The following ARFGEF1 variants were observed in gnomAD, a reference collection of about 807,000 sequenced individuals.
ARFGEF1 encodes the protein ARF guanine nucleotide exchange factor 1, also known as brefeldin A-inhibited guanine nucleotide-exchange protein 1.
Under a neutral mutation model 231.0 loss-of-function variants are expected in ARFGEF1, and 42 were observed. The ratio of observed to expected loss-of-function variants is 0.18; its 90% CI spans 0.14 to 0.24. The LOEUF (loss-of-function observed/expected upper bound fraction) is 0.24, where lower values mean the gene tolerates loss of function less well. Among genes scored for constraint, ARFGEF1 ranks in the 10% least tolerant of loss-of-function variants. The probability of loss-of-function intolerance (pLI) is 1.00; values close to 1 mark genes in which losing one functional copy is unlikely to be tolerated. For missense variants in ARFGEF1, 1,345 were observed against 2,192.0 expected (o/e 0.61, Z 7.72); for synonymous variants, 710 against 732.3 (o/e 0.97, Z 0.49).
chr8:67,217,683 T>C (rs1587063004), intron 32 of ARFGEF1, 99 bp downstream of exon 32: 5 of 1,270,132 alleles, frequency 3.9e-6, no homozygotes, highest in Non-Finnish European at 5.5e-6. Context: ...ATTTCTGTTA[T>C]GAGAAATCAG....
chr8:67,184,727 AAAT>A (rs1175566643), intron 5 of ARFGEF1, among the ~76,000 whole-genome samples: 1 of 148,080 alleles, frequency 6.8e-6, no homozygotes, highest in Non-Finnish European at 1.5e-5. Context: ...CTGTCTAAAA[AAAT>A]AATAATAAAA....
At position 67,226,062 on chromosome 8, in the gene ARFGEF1, A is replaced by T; in HGVS notation, c.4038T>A (p.Leu1346=). ...ACACATATTTTGCACAATGGCGAAT[A>T]AGTCGAATTGCTTCCATACTTGTGT... ...FPDTSMEAIR[L]IRHCAKYVSD... Residue 1346 remains leucine, a synonymous_variant, in exon 28 of 39, where the codon CTT becomes CTA. Coordinates refer to ENST00000262215, the MANE Select transcript of ARFGEF1 (RefSeq NM_006421.5). 11 of 1,612,808 alleles carry T rather than the reference A, an allele frequency of 6.8e-6. No individual in the cohort carries two copies. The highest frequency in any genetic ancestry group is 9.3e-6 in the Non-Finnish European group (11 of 1,179,342).
At chr8:67,204,291 T>A (rs1366740861) in intron 35 of ARFGEF1, among the ~76,000 whole-genome samples, 1 of 152,190 alleles carries the variant, frequency 6.6e-6, no homozygotes, top group East Asian at 1.9e-4. Flanking sequence ...AATTCTCAGG[T>A]GTAATATCAC....
At chr8:67,311,178 C>T (rs1336232914) in intron 1 of ARFGEF1, among the ~76,000 whole-genome samples, 2 of 149,222 alleles carry the variant, frequency 1.3e-5, no homozygotes, top group Admixed American at 1.3e-4. Context: ...TGCCCGGCCG[C>T]CCCCACTGGG....
intron 6 of ARFGEF1, among the ~76,000 whole-genome samples, chr8:67,288,963 A>C (rs1805879896): frequency 6.6e-6 from 1 of 152,138 alleles, no homozygotes; most frequent in Non-Finnish European, 1.5e-5. Context: ...AAAAAACAAA[A>C]AAAAAACAAA....
Position 67,201,795 on chromosome 8 carries a change from A to G in ARFGEF1, c.5129-190T>C. The G allele has an allele frequency of 5.9e-6, 4 of 673,856 alleles. No homozygotes were observed. The South Asian group carries it at 6.0e-5, about 10-fold the overall frequency. The allele number at this position is 673,856 out of a possible 1,614,324, so 41.7% of individuals were successfully genotyped here. ...TTCCCTCCCTATTCAAGCTGGGGAT[A>G]TGAGATATAAAAAAACTTGTGGCCT... On this transcript the variant is annotated intron_variant, in intron 36 of 38. Transcript: ENST00000262215.
At chr8:67,250,180 A>G (rs1425657590) in intron 19 of ARFGEF1, among the ~76,000 whole-genome samples, 1 of 152,198 alleles carries the variant, frequency 6.6e-6, no homozygotes, top group Non-Finnish European at 1.5e-5. Flanking sequence ...ATGCAAAGCC[A>G]ATAAAAAGCT....
At chr8:67,302,708 C>T (rs1806548191) in intron 1 of ARFGEF1, among the ~76,000 whole-genome samples, 1 of 151,888 alleles carries the variant, frequency 6.6e-6, no homozygotes, top group South Asian at 2.1e-4. Flanking sequence ...ATTATTAATT[C>T]CCAACGCATT....
chr8:67,237,705 GA>G (rs1839813435), intron 22 of ARFGEF1, among the ~76,000 whole-genome samples: 1 of 152,136 alleles, frequency 6.6e-6, no homozygotes, highest in African/African-American at 2.4e-5. Context: ...AGCAGAAATT[GA>G]ATCTCGGCGA....
At chr8:67,259,767 A>AT in intron 15 of ARFGEF1, 48 bp downstream of exon 15, 1 of 1,413,410 alleles carries the variant, frequency 7.1e-7, no homozygotes, top group Non-Finnish European at 9.8e-7. Flanking sequence ...AGAAAAAAAA[A>AT]TCCCAAGAAT....
chr8:67,212,010 G>A (rs925387549), intron 33 of ARFGEF1, among the ~76,000 whole-genome samples: 1 of 152,180 alleles, frequency 6.6e-6, no homozygotes, highest in Non-Finnish European at 1.5e-5. Flanking sequence ...CTATCTAGGA[G>A]TGTCGTATCA....
intron 1 of ARFGEF1, among the ~76,000 whole-genome samples, chr8:67,305,414 G>C (rs1246523401): frequency 6.6e-5 from 10 of 151,982 alleles, no homozygotes; most frequent in Non-Finnish European, 1.2e-4. Context: ...GTTTGTTTTT[G>C]TGAGATAAAG....
chr8:67,217,682 A>T lies in ARFGEF1; in HGVS notation c.4613+100T>A, dbSNP rs1232641179. On this transcript the variant is annotated intron_variant, in intron 32 of 38. Coordinates refer to ENST00000262215, the MANE Select transcript of ARFGEF1 (RefSeq NM_006421.5). ...AGACAAGCTTAAAAGGATTTCTGTTATGAGAAATCAGTAGTCACTATCAAA... is the reference window on the plus strand; with the variant it reads ...AGACAAGCTTAAAAGGATTTCTGTTTTGAGAAATCAGTAGTCACTATCAAA... 4.7e-6 allele frequency: 6 copies of T among 1,273,896 alleles called. No individual in the cohort carries two copies. The African/African-American group carries it at 9.0e-5, about 19-fold the overall frequency. 78.9% of individuals were successfully genotyped at this position (1,273,896 alleles called of 1,614,324 possible). A position where few individuals can be genotyped will look rare whatever the true frequency, so the allele number is the denominator to read the frequency against.
intron 1 of ARFGEF1, among the ~76,000 whole-genome samples, chr8:67,316,694 A>C (rs1439501758): frequency 6.6e-6 from 1 of 152,138 alleles, no homozygotes; most frequent in Non-Finnish European, 1.5e-5. Flanking sequence ...TCCTGGGCTC[A>C]AGTGATCTGC....
chr8:67,195,250 A>G, downstream of ARFGEF1: 1 of 724,970 alleles, frequency 1.4e-6, no homozygotes, highest in South Asian at 1.6e-5. Flanking sequence ...AAAACAAACA[A>G]ACAGTAGAGT....
chr8:67,251,979 A>G (rs979764214), intron 18 of ARFGEF1, among the ~76,000 whole-genome samples: 4 of 152,142 alleles, frequency 2.6e-5, no homozygotes, highest in African/African-American at 4.8e-5. Context: ...GTAAAATGCA[A>G]TGGCATCTGG....
At chr8:67,204,560 A>G (rs1838445273) in intron 35 of ARFGEF1, 120 bp downstream of exon 35, 1 of 1,218,926 alleles carries the variant, frequency 8.2e-7, no homozygotes. Context: ...CATGGTTTAA[A>G]AGGACATCTG....
chr8:67,255,434 T>A (rs1179858738), intron 17 of ARFGEF1, among the ~76,000 whole-genome samples: 1 of 152,186 alleles, frequency 6.6e-6, no homozygotes, highest in Non-Finnish European at 1.5e-5. Flanking sequence ...AATTTTTTTT[T>A]AATCACTGAC....
intron 18 of ARFGEF1, among the ~76,000 whole-genome samples, chr8:67,252,940 A>G (rs1227899147): frequency 2.6e-5 from 4 of 152,222 alleles, no homozygotes; most frequent in African/African-American, 9.7e-5. Flanking sequence ...GAGGAAGAAG[A>G]AAAAATGACA....
Sources: allele counts gnomAD v4.1 joint callset (sites outside exome capture counted in the v4.1 genomes callset), GRCh38; gene constraint gnomAD v4.1.1; transcripts MANE v1.5; gene names NCBI Gene and HGNC (gene_info 2026-07-23, HGNC 2026-07-21).